Variants in DLG5 observed in about 807,000 individuals in gnomAD.
DLG5 encodes the protein discs large MAGUK scaffold protein 5.
DLG5 carries 48 observed loss-of-function variants against 189.8 expected under a neutral mutation model. That is an observed-to-expected ratio of 0.25 (90% CI 0.20 to 0.32). DLG5 has a LOEUF of 0.32. Among genes scored for constraint, DLG5 ranks in the 10% least tolerant of loss-of-function variants. The probability of loss-of-function intolerance (pLI) is 1.00; values close to 1 mark genes in which losing one functional copy is unlikely to be tolerated. For synonymous variants in DLG5, 1,016 were observed against 1,054.1 expected, an observed-to-expected ratio of 0.96 and a Z score of 0.70; for missense variants, 2,160 against 2,544.7, an observed-to-expected ratio of 0.85 and a Z score of 3.25.
At chr10:77,819,549 G>A in intron 16 of DLG5, 84 bp from the exon 17 acceptor site, 1 of 1,494,334 alleles carries the variant, frequency 6.7e-7, no homozygotes, top group Non-Finnish European at 8.9e-7. Context: ...TGTATCCCAG[G>A]ACGCAGCCGC....
chr10:77,920,745 G>A (rs1366327606), intron 1 of DLG5, among the ~76,000 whole-genome samples: 1 of 152,128 alleles, frequency 6.6e-6, no homozygotes, highest in East Asian at 1.9e-4. Flanking sequence ...CCCTGGTCAG[G>A]GGCTGTGAAC....
chr10:77,860,938 T>G (rs1427582423), intron 2 of DLG5, among the ~76,000 whole-genome samples: 1 of 152,242 alleles, frequency 6.6e-6, no homozygotes, highest in Non-Finnish European at 1.5e-5. Context: ...TACTTATTTT[T>G]TAAAAAATCA....
chr10:77,897,107 A>G (rs933230032), intron 1 of DLG5, among the ~76,000 whole-genome samples: 12 of 151,962 alleles, frequency 7.9e-5, no homozygotes, highest in African/African-American at 2.9e-4. Flanking sequence ...TATAATCCCA[A>G]CACTTTGGGA....
chr10:77,936,441 CAAAACAAAAA>C, the DLG5 span, among the ~76,000 whole-genome samples: 23,911 of 87,736 alleles, frequency 0.27, 1,510 homozygotes, highest in South Asian at 0.4. Flanking sequence ...CGTCTCAAAA[CAAAACAAAAA>C]AAAAAAAAAA....
intron 1 of DLG5, among the ~76,000 whole-genome samples, chr10:77,892,733 G>C (rs879309413): frequency 6.6e-6 from 1 of 152,330 alleles, no homozygotes; most frequent in Non-Finnish European, 1.5e-5. Context: ...AGGCAGCCAG[G>C]AGACACCCAA....
chr10:77,845,772 C>T (rs753236310), intron 5 of DLG5, among the ~76,000 whole-genome samples: 8 of 151,938 alleles, frequency 5.3e-5, no homozygotes, highest in African/African-American at 7.3e-5. Flanking sequence ...CTTACTAGTA[C>T]ACCAAAAATA....
chr10:77,879,589 A>G (rs1292515588), intron 1 of DLG5, among the ~76,000 whole-genome samples: 1 of 151,604 alleles, frequency 6.6e-6, no homozygotes, highest in African/African-American at 2.4e-5. Context: ...AGTGACAAGA[A>G]TGGTGTTGGT....
chr10:77,846,764 G>T, intron 5 of DLG5: 1 of 455,666 alleles, frequency 2.2e-6, no homozygotes, highest in South Asian at 1.6e-5. Context: ...AACCCCATTG[G>T]CTCCAAATGA....
At chr10:77,819,836 G>A in intron 16 of DLG5, 59 bp downstream of exon 16, 1 of 1,504,738 alleles carries the variant, frequency 6.6e-7, no homozygotes, top group Non-Finnish European at 8.8e-7. Context: ...TCTCCCTGGA[G>A]ACTAGGCATC....
chr10:77,886,353 A>T lies in DLG5; in HGVS notation c.305-17156T>A, dbSNP rs185576022. Among the ~76,000 whole-genome samples the T allele has an allele frequency of 2.9e-4, 43 of 149,442 alleles. No individual in the cohort carries two copies. The East Asian group carries it at 8.4e-3, about 29-fold the overall frequency. ...CTTGCCCCCTTAGGGTACCGTTGTC[A>T]CTAGAGAACCGTGTGAGAGTAGTAA... On this transcript the variant is annotated intron_variant, in intron 1 of 31. Coordinates refer to ENST00000372391, the MANE Select transcript of DLG5 (RefSeq NM_004747.4).
intron 1 of DLG5, among the ~76,000 whole-genome samples, chr10:77,924,201 C>T (rs189919371): frequency 6.6e-6 from 1 of 152,312 alleles, no homozygotes; most frequent in Admixed American, 6.5e-5. Context: ...ATGAACTTAA[C>T]TTCTCCTTGA....
chr10:77,925,154 A>C (rs1440813099), intron 1 of DLG5, among the ~76,000 whole-genome samples: 1 of 152,246 alleles, frequency 6.6e-6, no homozygotes, highest in African/African-American at 2.4e-5. Flanking sequence ...ATCAAACAAT[A>C]GGTTATAATT....
At chr10:77,838,525 C>T (rs567028778) in intron 7 of DLG5, among the ~76,000 whole-genome samples, 8 of 152,304 alleles carry the variant, frequency 5.3e-5, no homozygotes, top group African/African-American at 1.4e-4. Flanking sequence ...GACAGGCCCC[C>T]GGCCTCCCCA....
chr10:77,841,607 G>A (rs981152687), intron 7 of DLG5, among the ~76,000 whole-genome samples: 3 of 152,190 alleles, frequency 2.0e-5, no homozygotes. Flanking sequence ...ACGTAGCAAT[G>A]GGTTTGGGTG....
At chr10:77,933,148 G>C in the DLG5 span, among the ~76,000 whole-genome samples, 1 of 152,028 alleles carries the variant, frequency 6.6e-6, no homozygotes, top group Non-Finnish European at 1.5e-5. Flanking sequence ...AGCCATACTT[G>C]CCTTACCAAT....
chr10:77,825,693 T>C (rs1842600446), intron 13 of DLG5, among the ~76,000 whole-genome samples: 1 of 151,956 alleles, frequency 6.6e-6, no homozygotes, highest in African/African-American at 2.4e-5. Context: ...GTAGCTGGGA[T>C]TACAGATGTA....
At chr10:77,817,665 A>T (rs1842127428) in intron 18 of DLG5, 112 bp downstream of exon 18, 1 of 857,682 alleles carries the variant, frequency 1.2e-6, no homozygotes. Flanking sequence ...CAGTCCCAGG[A>T]GGTGACAGGA....
chr10:77,795,871 G>A (rs752154478), intron 29 of DLG5, among the ~76,000 whole-genome samples, 190 bp downstream of exon 29: 2 of 152,176 alleles, frequency 1.3e-5, no homozygotes, highest in Admixed American at 1.3e-4. Context: ...CCCACCAAGG[G>A]ATGTGCTTGC....
At chr10:77,813,855 A>T (rs943652085) in intron 20 of DLG5, among the ~76,000 whole-genome samples, 1 of 152,242 alleles carries the variant, frequency 6.6e-6, no homozygotes, top group African/African-American at 2.4e-5. Context: ...CATTTCACTT[A>T]TATTTATCTG....
Sources: allele counts gnomAD v4.1 joint callset (sites outside exome capture counted in the v4.1 genomes callset), GRCh38; gene constraint gnomAD v4.1.1; transcripts MANE v1.5; gene names NCBI Gene and HGNC (gene_info 2026-07-23, HGNC 2026-07-21).